The following LRP1B variants were observed in gnomAD, a reference collection of about 807,000 sequenced individuals.
The protein encoded by LRP1B is LDL receptor related protein 1B.
Under a neutral mutation model 556.6 loss-of-function variants are expected in LRP1B, and 217 were observed. The observed-to-expected ratio is 0.39, with a 90% confidence interval of 0.35 to 0.44. LRP1B has a LOEUF of 0.44. LRP1B is among the 20% of genes least tolerant of loss of function. The probability of loss-of-function intolerance (pLI) is 1.00; values close to 1 mark genes in which losing one functional copy is unlikely to be tolerated. For missense variants in LRP1B, 5,053 were observed against 5,620.8 expected (o/e 0.90, Z 3.23); for synonymous variants, 2,047 against 1,865.8 (o/e 1.10, Z -2.50).
rs147687232 is a variant in LRP1B, at chr2:141,912,493, C to T, written c.83-102092G>A. On this transcript the variant is annotated intron_variant, in intron 1 of 90. Transcript: ENST00000389484. ...GGCTCGGGGCAAATCATCAAATAAC[C>T]CACAGGTATGAGTGAAAAGAAGATG... 1.7e-3 allele frequency among the ~76,000 whole-genome samples: 251 copies of T among 152,032 alleles called. 1 individual carries two copies. The highest frequency in any genetic ancestry group is 5.5e-3 in the African/African-American group (227 of 41,470).
chr2:141,134,231 C>G (rs965127136), intron 7 of LRP1B, among the ~76,000 whole-genome samples: 1 of 151,786 alleles, frequency 6.6e-6, no homozygotes, highest in African/African-American at 2.4e-5. Flanking sequence ...AATATAGCCA[C>G]GGATTCTAGT....
intron 2 of LRP1B, among the ~76,000 whole-genome samples, chr2:141,752,277 A>T (rs187689868): frequency 6.6e-6 from 1 of 152,312 alleles, no homozygotes; most frequent in East Asian, 1.9e-4. Context: ...AATGGGCAGA[A>T]GAGAATTTAA....
rs1432395517 is a variant in LRP1B, at chr2:140,929,271, T to C, written c.3137-6124A>G. Among the ~76,000 whole-genome samples, 4 of 152,102 alleles carry C rather than the reference T, an allele frequency of 2.6e-5. No individual in the cohort carries two copies. The East Asian group carries it at 5.8e-4, about 22-fold the overall frequency. On this transcript the variant is annotated intron_variant, in intron 20 of 90. Transcript: ENST00000389484. ...TCTTAAATGCTCTGATAAGAGAGAA[T>C]GCCAGGAGAACACACAGAGTGGAAG...
At chr2:140,359,343 T>C (rs1682398417) in intron 72 of LRP1B, among the ~76,000 whole-genome samples, 1 of 151,618 alleles carries the variant, frequency 6.6e-6, no homozygotes, top group African/African-American at 2.4e-5. Context: ...AGGCCCAAAA[T>C]TGAAAATAGG....
At chr2:142,024,420 C>A (rs181384380) in intron 1 of LRP1B, among the ~76,000 whole-genome samples, 1 of 152,128 alleles carries the variant, frequency 6.6e-6, no homozygotes, top group Admixed American at 6.5e-5. Context: ...CATTCAGTAG[C>A]TCTAGGGTGA....
chr2:141,360,678 T>A (rs1241281502), intron 3 of LRP1B, among the ~76,000 whole-genome samples: 3 of 152,174 alleles, frequency 2.0e-5, no homozygotes, highest in Non-Finnish European at 4.4e-5. Flanking sequence ...AAGGAAAGCA[T>A]CAGAATGGTG....
chr2:140,236,553 T>G (rs1264869710), intron 89 of LRP1B, among the ~76,000 whole-genome samples: 1 of 150,966 alleles, frequency 6.6e-6, no homozygotes. Context: ...GCTATTTCCC[T>G]TAAAAGTTGC....
At chr2:140,409,468 G>T (rs1295675820) in intron 66 of LRP1B, among the ~76,000 whole-genome samples, 1 of 151,916 alleles carries the variant, frequency 6.6e-6, no homozygotes, top group Admixed American at 6.6e-5. Context: ...AACCAGAATT[G>T]TGTTTTATTG....
intron 86 of LRP1B, among the ~76,000 whole-genome samples, chr2:140,265,624 T>C (rs570488398): frequency 4.6e-5 from 7 of 152,132 alleles, no homozygotes; most frequent in Non-Finnish European, 8.8e-5. Context: ...ATGAAGAAAA[T>C]AAAAATATAT....
intron 3 of LRP1B, among the ~76,000 whole-genome samples, chr2:141,285,464 T>C (rs1168622712): frequency 2.8e-5 from 4 of 145,376 alleles, no homozygotes; most frequent in African/African-American, 5.1e-5. Context: ...TCTTTTTTTT[T>C]TTTTTTTTTG....
intron 20 of LRP1B, among the ~76,000 whole-genome samples, chr2:140,924,048 T>C (rs552885535): frequency 6.6e-6 from 1 of 152,140 alleles, no homozygotes; most frequent in East Asian, 1.9e-4. Context: ...AAAGTTTTAA[T>C]GTAACAAATT....
chr2:140,976,650 G>C (rs553758352), intron 18 of LRP1B, among the ~76,000 whole-genome samples: 1 of 151,500 alleles, frequency 6.6e-6, no homozygotes, highest in African/African-American at 2.4e-5. Flanking sequence ...TGGGATTACA[G>C]GCATGCATTA....
rs1467694410 is a variant in LRP1B, at chr2:141,690,424, T to A, written c.205+119855A>T. ...ATATATATATATATATATATATATA[T>A]ATATATATATATATATAATTACAAA... is the stretch of plus-strand genomic sequence containing the variant. On this transcript the variant is annotated intron_variant, in intron 2 of 90. Transcript: ENST00000389484. Among the ~76,000 whole-genome samples the A allele has an allele frequency of 4.4e-3, 586 of 133,504 alleles. 16 individuals are homozygous for A. The highest frequency in any genetic ancestry group is 0.014 in the African/African-American group (522 of 36,566). The allele number at this position is 133,504 out of a possible 152,430, so 87.6% of individuals were successfully genotyped here.
intron 3 of LRP1B, among the ~76,000 whole-genome samples, chr2:141,346,871 G>T (rs2683818): frequency 0.56 from 85,307 of 151,752 alleles, 24,622 homozygotes; most frequent in Non-Finnish European, 0.6. Context: ...AGCTTCCAAT[G>T]TTTTTATTCT....
At chr2:141,791,022 A>G (rs1489314424) in intron 2 of LRP1B, among the ~76,000 whole-genome samples, 1 of 152,012 alleles carries the variant, frequency 6.6e-6, no homozygotes, top group African/African-American at 2.4e-5. Flanking sequence ...TAAATGGTAT[A>G]AAATTGCTAG....
intron 1 of LRP1B, among the ~76,000 whole-genome samples, chr2:142,129,584 T>TTCTCTCTTTCTCTCTC (rs1707775724): frequency 7.4e-6 from 1 of 134,734 alleles, no homozygotes; most frequent in African/African-American, 2.8e-5. Context: ...CTTTCTCTCT[T>TTCTCTCTTTCTCTCTC]TCTCTCTCTC....
chr2:141,075,343 T>C (rs1238934188), intron 7 of LRP1B, among the ~76,000 whole-genome samples: 6 of 152,312 alleles, frequency 3.9e-5, no homozygotes, highest in Non-Finnish European at 4.4e-5. Flanking sequence ...CAATATAATA[T>C]TAATTTTCAC....
At chr2:141,256,554 T>C (rs572682522) in intron 3 of LRP1B, among the ~76,000 whole-genome samples, 4 of 151,912 alleles carry the variant, frequency 2.6e-5, no homozygotes, top group Non-Finnish European at 4.4e-5. Context: ...AGAAAGATAG[T>C]AAAGGAAGAA....
intron 2 of LRP1B, among the ~76,000 whole-genome samples, chr2:141,711,613 G>C (rs1236659353): frequency 6.6e-6 from 1 of 152,092 alleles, no homozygotes; most frequent in East Asian, 1.9e-4. Context: ...CAATACCCCT[G>C]ATGCTTTAAA....
Sources: allele counts gnomAD v4.1 joint callset (sites outside exome capture counted in the v4.1 genomes callset), GRCh38; gene constraint gnomAD v4.1.1; transcripts MANE v1.5; gene names NCBI Gene and HGNC (gene_info 2026-07-23, HGNC 2026-07-21).